TMPRSS13: variants seen among roughly 807,000 people sequenced by gnomAD.
TMPRSS13 encodes transmembrane protease serine 13.
In TMPRSS13, 50 loss-of-function variants were observed where a neutral mutation model predicts 68.4. The observed-to-expected ratio is 0.73, with a 90% CI of 0.58 to 0.93. The LOEUF is 0.93. TMPRSS13 is among the 40% of genes least tolerant of loss of function. The pLI, the probability that TMPRSS13 is intolerant of heterozygous loss-of-function variation, is 0.00. For missense variants in TMPRSS13, 615 were observed against 729.2 expected (o/e 0.84, Z 1.80); for synonymous variants, 267 against 285.8 (o/e 0.93, Z 0.66).
rs1375753337 is a variant in TMPRSS13, at chr11:117,918,758, T to C, written c.102A>G (p.Ala34=). 9 of 1,611,810 alleles carry C rather than the reference T, an allele frequency of 5.6e-6. No individual in the cohort carries two copies. The highest frequency in any genetic ancestry group is 1.4e-5 in the African/African-American group (1 of 73,678). Residue 34 remains alanine (A), a synonymous_variant, in exon 2 of 13, where the codon GCA becomes GCG. Coordinates refer to ENST00000524993, the MANE Select transcript of TMPRSS13 (RefSeq NM_001077263.3). The part of the protein sequence containing the change: ...ASPAGTPPGR[A]SPAQASPAQA... The stretch of plus-strand genomic sequence containing the variant: ...GGGCTGGAGATGCCTGGGCTGGAGA[T>C]GCCCGGCCTGGAGGTGTCCCAGCTG...
intron 1 of TMPRSS13, among the ~76,000 whole-genome samples, chr11:117,925,030 C>A (rs897557149): frequency 6.6e-6 from 1 of 152,182 alleles, no homozygotes; most frequent in Non-Finnish European, 1.5e-5. Flanking sequence ...ACAGTCACAT[C>A]CTTCTCTGGG....
chr11:117,926,383 G>A (rs1211033689), intron 1 of TMPRSS13, among the ~76,000 whole-genome samples: 1 of 152,180 alleles, frequency 6.6e-6, no homozygotes, highest in Non-Finnish European at 1.5e-5. Flanking sequence ...CCGCGGGTGA[G>A]CCATCTCAGG....
chr11:117,904,298 C>T (rs535285012), intron 10 of TMPRSS13, among the ~76,000 whole-genome samples, 197 bp from the exon 11 acceptor site: 1 of 152,208 alleles, frequency 6.6e-6, no homozygotes, highest in Non-Finnish European at 1.5e-5. Flanking sequence ...CACACACGCC[C>T]TCACACAAGA....
intron 9 of TMPRSS13, 21 bp downstream of exon 9, chr11:117,908,591 G>A (rs1276684159): frequency 9.0e-6 from 14 of 1,550,958 alleles, no homozygotes; most frequent in East Asian, 2.4e-5. Context: ...GCAGGAGAGC[G>A]GGGAGTGCAG....
intron 1 of TMPRSS13, among the ~76,000 whole-genome samples, chr11:117,920,730 C>A (rs2057636574): frequency 6.6e-6 from 1 of 152,016 alleles, no homozygotes; most frequent in Non-Finnish European, 1.5e-5. Flanking sequence ...CTCAAATGAT[C>A]CACCCGCCTC....
intron 10 of TMPRSS13, among the ~76,000 whole-genome samples, chr11:117,904,861 T>TTTTATA (rs2057447395): frequency 9.9e-6 from 1 of 100,672 alleles, no homozygotes; most frequent in African/African-American, 3.5e-5. Context: ...CTAGATAAGA[T>TTTTATA]TATATATATA....
chr11:117,903,343 G>A (rs1200780971), intron 12 of TMPRSS13: 17 of 1,485,802 alleles, frequency 1.1e-5, no homozygotes, highest in Middle Eastern at 1.9e-4. Context: ...AAACTGAAAC[G>A]TTTTCAAAGT....
intron 11 of TMPRSS13, 49 bp downstream of exon 11, chr11:117,903,910 C>T: frequency 6.2e-7 from 1 of 1,600,866 alleles, no homozygotes; most frequent in Non-Finnish European, 8.5e-7. Context: ...CCCTGCCTCC[C>T]CCATCCCCAG....
chr11:117,909,822 C>T lies in TMPRSS13; in HGVS notation c.1093G>A (p.Ala365Thr), dbSNP rs1173035740. The stretch of plus-strand genomic sequence containing the variant: ...GGCACTTACACGAAGAAGCAGTGGG[C>T]GGCAGTGAGCACCCACTGGGCGTCA... ...LIDAQWVLTA[A>T]HCFFVTREKV... The change falls in exon 8 of 13, where the codon GCC becomes ACC. Residue 365 changes from alanine (A) to threonine (T), a missense_variant. Coordinates refer to ENST00000524993, the MANE Select transcript of TMPRSS13 (RefSeq NM_001077263.3). The T allele has an allele frequency of 1.4e-5, 22 of 1,611,520 alleles. No individual in the cohort carries two copies. Among genetic ancestry groups the T allele is most frequent in the Non-Finnish European group, 1.6e-5 (19 of 1,179,354 alleles).
chr11:117,913,098 T>A (rs2057539552), intron 5 of TMPRSS13, among the ~76,000 whole-genome samples: 1 of 151,974 alleles, frequency 6.6e-6, no homozygotes, highest in Non-Finnish European at 1.5e-5. Flanking sequence ...GATCTTAAAC[T>A]CCTCTCCCCA....
At chr11:117,905,823 G>T in intron 9 of TMPRSS13, 87 bp from the exon 10 acceptor site, 4 of 952,096 alleles carry the variant, frequency 4.2e-6, no homozygotes, top group Non-Finnish European at 6.5e-6. Context: ...CACTCTGGGG[G>T]CAAGGAGGGG....
chr11:117,904,310 A>G (rs913003595), intron 10 of TMPRSS13, among the ~76,000 whole-genome samples: 18 of 152,318 alleles, frequency 1.2e-4, no homozygotes, highest in Middle Eastern at 3.4e-3. Context: ...CACACAAGAC[A>G]CAGCTCACTG....
rs1392154666 is a variant in TMPRSS13 at position 117,908,638 on chromosome 11, C to T, written c.1256G>A (p.Arg419Gln). The T allele has an allele frequency of 8.3e-6, 13 of 1,570,326 alleles. 1 individual carries two copies. Among genetic ancestry groups the T allele is most frequent in the South Asian group, 8.2e-5 (7 of 85,326 alleles). The change falls in exon 9 of 13, where the codon CGG becomes CAG. Residue 419 changes from arginine (R) to glutamine (Q), a missense_variant. Arg to Gln is a conservative substitution (Grantham distance 43). Coordinates refer to ENST00000524993, the MANE Select transcript of TMPRSS13 (RefSeq NM_001077263.3). ...EEDDYDIALMRLSKPLTLSAH... is the reference protein window; with the variant it reads ...EEDDYDIALMQLSKPLTLSAH... ...GGACAGGGTCAGGGGCTTGGACAGC[C>T]GCATGAGGGCGATGTCATAGTCGTC...
chr11:117,908,122 CGA>C, intron 9 of TMPRSS13: 1 of 1,037,118 alleles, frequency 9.6e-7, no homozygotes, highest in Non-Finnish European at 1.2e-6. Context: ...GGAATCAGAT[CGA>C]CCTGGTTCCA....
intron 5 of TMPRSS13, among the ~76,000 whole-genome samples, chr11:117,912,820 C>T (rs2057536936): frequency 6.6e-6 from 1 of 152,156 alleles, no homozygotes; most frequent in South Asian, 2.1e-4. Context: ...CCTTTGTGTC[C>T]AGGTACTACA....
At chr11:117,903,410 C>A in intron 12 of TMPRSS13, 1 of 1,536,018 alleles carries the variant, frequency 6.5e-7, no homozygotes, top group Non-Finnish European at 8.7e-7. Context: ...CAGCAACTGC[C>A]TGCCTGGCCT....
chr11:117,923,404 C>T (rs2057666818), intron 1 of TMPRSS13, among the ~76,000 whole-genome samples: 1 of 148,710 alleles, frequency 6.7e-6, no homozygotes, highest in African/African-American at 2.6e-5. Flanking sequence ...TCTCCTGGAC[C>T]TTCTGGGGGC....
intron 1 of TMPRSS13, among the ~76,000 whole-genome samples, chr11:117,924,494 C>G (rs2057682819): frequency 1.3e-5 from 2 of 152,072 alleles, no homozygotes; most frequent in Non-Finnish European, 2.9e-5. Context: ...GACCATGGGC[C>G]AACAACCCAG....
Position 117,923,838 on chromosome 11 carries a change from T to TTAAAAA in TMPRSS13, c.22-5001_22-5000insTTTTTA, listed in dbSNP as rs56359328. Among the ~76,000 whole-genome samples, 1,136 of 128,038 alleles carry TTAAAAA rather than the reference T, an allele frequency of 8.9e-3. 42 individuals carry two copies. The highest frequency in any genetic ancestry group is 0.013 in the Non-Finnish European group (786 of 62,176). The allele number at this position is 128,038 out of a possible 152,430, so 84.0% of individuals were successfully genotyped here. ...ACCCTAGAACTTAAAGTATAATAAT[T>TTAAAAA]AAAAAAAAAAAAAAAAAAGCTCTCC... On this transcript the variant is annotated intron_variant, in intron 1 of 12. Coordinates refer to ENST00000524993, the MANE Select transcript of TMPRSS13 (RefSeq NM_001077263.3).
Sources: gnomAD v4.1 joint callset for allele counts (sites outside exome capture counted in the v4.1 genomes callset) on GRCh38, gnomAD v4.1.1 for gene constraint, MANE v1.5 for transcripts, NCBI Gene and HGNC (gene_info 2026-07-23, HGNC 2026-07-21) for gene names.